Variants in PCLO observed in about 807,000 individuals in gnomAD.
PCLO encodes protein piccolo.
A neutral mutation model predicts 427.5 loss-of-function variants in PCLO; 82 were observed. The ratio of observed to expected loss-of-function variants is 0.19; its 90% CI spans 0.16 to 0.23. The LOEUF (loss-of-function observed/expected upper bound fraction) is 0.23, where lower values mean the gene tolerates loss of function less well. PCLO is among the 10% of genes least tolerant of loss of function. The probability of loss-of-function intolerance (pLI) is 1.00; values close to 1 mark genes in which losing one functional copy is unlikely to be tolerated. For missense variants in PCLO, 6,239 were observed against 6,115.9 expected (o/e 1.02, Z -0.67); for synonymous variants, 2,357 against 2,155.4 (o/e 1.09, Z -2.59).
At chr7:82,999,098 G>A (rs74404483) in intron 3 of PCLO, among the ~76,000 whole-genome samples, 2,051 of 147,738 alleles carry the variant, frequency 0.014, 16 homozygotes, top group Non-Finnish European at 0.02. Flanking sequence ...AAGAATCTCT[G>A]AGATTAAATA....
chr7:82,892,405 A>C (rs1424536988), intron 9 of PCLO, among the ~76,000 whole-genome samples: 1 of 152,178 alleles, frequency 6.6e-6, no homozygotes, highest in Non-Finnish European at 1.5e-5. Context: ...TCCCTTCCTT[A>C]CACCTTATAC....
At chr7:82,944,814 A>G (rs1454769005) in intron 6 of PCLO, among the ~76,000 whole-genome samples, 6 of 152,226 alleles carry the variant, frequency 3.9e-5, no homozygotes, top group African/African-American at 1.2e-4. Context: ...CTGGATATCC[A>G]CAATTGTCAG....
At chr7:82,784,907 A>G (rs1180937821) in intron 22 of PCLO, among the ~76,000 whole-genome samples, 1 of 152,150 alleles carries the variant, frequency 6.6e-6, no homozygotes, top group African/African-American at 2.4e-5. Context: ...CCTGCCTATA[A>G]TATATTTTAT....
intron 3 of PCLO, among the ~76,000 whole-genome samples, chr7:83,093,462 A>ATG (rs199740692): frequency 2.1e-5 from 2 of 94,792 alleles, no homozygotes; most frequent in Non-Finnish European, 4.1e-5. Context: ...AAACATATAT[A>ATG]TGTGTGTGTG....
intron 3 of PCLO, among the ~76,000 whole-genome samples, chr7:83,005,253 G>A (rs1277285110): frequency 2.0e-5 from 3 of 151,582 alleles, no homozygotes; most frequent in Non-Finnish European, 3.0e-5. Context: ...GAAGAGAATC[G>A]TGTCATTTGT....
chr7:83,130,377 G>A (rs377310972), intron 3 of PCLO, among the ~76,000 whole-genome samples: 13 of 152,142 alleles, frequency 8.5e-5, no homozygotes, highest in African/African-American at 2.9e-4. Context: ...GGATTTTGCC[G>A]TGTTGGCCAG....
intron 2 of PCLO, among the ~76,000 whole-genome samples, chr7:83,146,246 T>C (rs529060549): frequency 1.3e-5 from 2 of 152,284 alleles, no homozygotes; most frequent in South Asian, 2.1e-4. Flanking sequence ...GGTGAATTCA[T>C]AGTCATGTCA....
At chr7:83,130,968 T>G (rs1055859816) in intron 3 of PCLO, among the ~76,000 whole-genome samples, 1 of 152,186 alleles carries the variant, frequency 6.6e-6, no homozygotes, top group African/African-American at 2.4e-5. Context: ...AAAAGTTAGC[T>G]TAGAAAAGGG....
rs1449740071 is a variant in PCLO, at chr7:82,955,766, T to G, written c.5187A>C (p.Thr1729=). The G allele has an allele frequency of 6.2e-7, 1 of 1,613,982 alleles. No homozygotes were observed. The highest frequency in any genetic ancestry group is 8.5e-7 in the Non-Finnish European group (1 of 1,179,868). ...SLHASSFTPG[T]SPTSVSSLDE... is the part of the protein sequence containing the mutation. ...CAAGTGATGATACTGATGTAGGGGA[T>G]GTACCAGGAGTGAAGCTGGAAGCAT... Residue 1729 remains threonine, a synonymous_variant, in exon 5 of 25, where the codon ACA becomes ACC. Coordinates refer to ENST00000333891, the MANE Select transcript of PCLO (RefSeq NM_033026.6).
chr7:82,810,089 G>C (rs559902560), intron 20 of PCLO, among the ~76,000 whole-genome samples: 5 of 151,576 alleles, frequency 3.3e-5, no homozygotes, highest in Non-Finnish European at 5.9e-5. Flanking sequence ...CTGATCCCAT[G>C]TTTGTATGTA....
chr7:83,157,318 T>C (rs920118651), intron 1 of PCLO, among the ~76,000 whole-genome samples: 1 of 152,158 alleles, frequency 6.6e-6, no homozygotes, highest in African/African-American at 2.4e-5. Context: ...TAACCCAAAA[T>C]TTTTATGGGA....
At position 82,951,192 on chromosome 7, in the gene PCLO, G is replaced by A. The variant is rs762896559; in HGVS notation, c.9396C>T (p.Ala3132=). ...HTADAVTSLP[A]MHHSQPMPRS... ...TAGGCATTGGCTGGCTATGGTGCAT[G>A]GCAGGTAATGAAGTCACTGCATCAG... Residue 3132 remains alanine (A), a synonymous_variant, in exon 6 of 25, where the codon GCC becomes GCT. Coordinates refer to ENST00000333891, the MANE Select transcript of PCLO (RefSeq NM_033026.6). 1.5e-5 allele frequency: 24 copies of A among 1,613,568 alleles called. No homozygotes were observed. Among genetic ancestry groups the A allele is most frequent in the Non-Finnish European group, 1.9e-5 (22 of 1,179,752 alleles).
At chr7:82,848,141 G>T (rs1327877303) in intron 10 of PCLO, among the ~76,000 whole-genome samples, 2 of 151,696 alleles carry the variant, frequency 1.3e-5, no homozygotes, top group Admixed American at 1.3e-4. Context: ...ATCATTGAGG[G>T]GTCCACGTGT....
chr7:83,157,839 T>C (rs1792338360), intron 1 of PCLO, among the ~76,000 whole-genome samples: 1 of 151,988 alleles, frequency 6.6e-6, no homozygotes, highest in Admixed American at 6.6e-5. Context: ...GAAAGTAACT[T>C]AGTAGCACCT....
At chr7:82,908,842 T>C in intron 8 of PCLO, 35 bp downstream of exon 8, 1 of 1,584,972 alleles carries the variant, frequency 6.3e-7, no homozygotes, top group Non-Finnish European at 8.6e-7. Context: ...TCTTTTTTGA[T>C]AAATCTAAAA....
At chr7:83,058,401 T>C (rs1789455872) in intron 3 of PCLO, among the ~76,000 whole-genome samples, 1 of 152,174 alleles carries the variant, frequency 6.6e-6, no homozygotes, top group South Asian at 2.1e-4. Flanking sequence ...AAGTATTACA[T>C]CCTTTTAGAA....
intron 10 of PCLO, among the ~76,000 whole-genome samples, chr7:82,866,690 ACACACAC>A (rs2115952581): frequency 6.8e-6 from 1 of 147,958 alleles, no homozygotes; most frequent in East Asian, 2.0e-4. Context: ...ACACACACAC[ACACACAC>A]CCCTTTAATA....
At chr7:82,949,239 GTGAA>G (rs1795272402) in intron 6 of PCLO, among the ~76,000 whole-genome samples, 1 of 151,300 alleles carries the variant, frequency 6.6e-6, no homozygotes, top group Non-Finnish European at 1.5e-5. Flanking sequence ...GTATTTTTAA[GTGAA>G]TGTATGGTTT....
chr7:83,033,812 C>T (rs1228816595), intron 3 of PCLO, among the ~76,000 whole-genome samples: 2 of 152,098 alleles, frequency 1.3e-5, no homozygotes, highest in African/African-American at 4.8e-5. Context: ...AGACATGTTT[C>T]TCACCACCAT....
Sources: allele counts gnomAD v4.1 joint callset (sites outside exome capture counted in the v4.1 genomes callset), GRCh38; gene constraint gnomAD v4.1.1; transcripts MANE v1.5; gene names NCBI Gene and HGNC (gene_info 2026-07-23, HGNC 2026-07-21).